The following NDC80 variants were observed in gnomAD, a reference collection of about 807,000 sequenced individuals.
NDC80 encodes the protein NDC80 kinetochore complex component.
A neutral mutation model predicts 89.3 loss-of-function variants in NDC80; 69 were observed. The observed-to-expected ratio is 0.77, with a 90% CI of 0.64 to 0.94. The LOEUF is 0.94. Ranked by LOEUF, NDC80 falls within the 40% of genes least tolerant of loss-of-function variation. The probability of loss-of-function intolerance (pLI) is 0.00; values close to 1 mark genes in which losing one functional copy is unlikely to be tolerated. For synonymous variants in NDC80, 243 were observed against 255.6 expected, an observed-to-expected ratio of 0.95 and a Z score of 0.47; for missense variants, 593 against 739.6, an observed-to-expected ratio of 0.80 and a Z score of 2.30.
chr18:2,589,483 C>T (rs16943496), intron 9 of NDC80, among the ~76,000 whole-genome samples, 173 bp downstream of exon 9: 9,593 of 152,186 alleles, frequency 0.063, 327 homozygotes, highest in African/African-American at 0.082. Context: ...ATCTGTGGAG[C>T]CTTGTTTTCC....
rs2072610651 is a variant in NDC80, at chr18:2,588,040, A to T, written c.763+117A>T. 5 of 684,672 alleles carry T rather than the reference A, an allele frequency of 7.3e-6. No homozygotes were observed. The East Asian group carries it at 1.4e-4, about 20-fold the overall frequency. 42.4% of individuals were successfully genotyped at this position (684,672 alleles called of 1,614,324 possible). A position where few individuals can be genotyped will look rare whatever the true frequency, so the allele number is the denominator to read the frequency against. The stretch of plus-strand genomic sequence containing the variant: ...AGCTACTTACTTTAAATGTATCTGG[A>T]TGCCTACTGATTTTTATCTTTGTGG... On this transcript the variant is annotated intron_variant, in intron 8 of 16. Coordinates refer to ENST00000261597, the MANE Select transcript of NDC80 (RefSeq NM_006101.3).
chr18:2,578,155 T>C lies in NDC80; in HGVS notation c.476+14T>C, dbSNP rs1567995711. 1 of 1,606,134 alleles carries C rather than the reference T, an allele frequency of 6.2e-7. No homozygotes were observed. The highest frequency in any genetic ancestry group is 1.7e-5 in the Admixed American group (1 of 58,506). On this transcript the variant is annotated intron_variant, in intron 5 of 16. Coordinates refer to ENST00000261597, the MANE Select transcript of NDC80 (RefSeq NM_006101.3). ...TAAAGACCTTGGGTATGTATATTTC[T>C]TATTAGTTTAGAGACATGACTGGCA...
At chr18:2,605,718 C>A (rs2072708070) in intron 13 of NDC80, among the ~76,000 whole-genome samples, 1 of 151,262 alleles carries the variant, frequency 6.6e-6, no homozygotes, top group Admixed American at 6.6e-5. Flanking sequence ...GTAGAATTAT[C>A]CTTTAAAAAA....
chr18:2,579,901 T>C (rs571635695), intron 6 of NDC80, among the ~76,000 whole-genome samples: 115 of 152,258 alleles, frequency 7.6e-4, no homozygotes, highest in African/African-American at 2.6e-3. Flanking sequence ...TTTTAAAATC[T>C]TTATCAATTT....
intron 6 of NDC80, among the ~76,000 whole-genome samples, chr18:2,584,778 T>A (rs1456923094): frequency 1.3e-5 from 2 of 152,188 alleles, no homozygotes; most frequent in Non-Finnish European, 1.5e-5. Flanking sequence ...TGCATTAAAA[T>A]GTGTATATTT....
intron 11 of NDC80, among the ~76,000 whole-genome samples, chr18:2,597,674 G>T (rs1172905137): frequency 6.6e-6 from 1 of 151,710 alleles, no homozygotes; most frequent in African/African-American, 2.4e-5. Flanking sequence ...AAGTTGCAGT[G>T]AGCCAAGATC....
chr18:2,600,066 C>T (rs2072676726), intron 12 of NDC80, among the ~76,000 whole-genome samples: 1 of 152,162 alleles, frequency 6.6e-6, no homozygotes, highest in Non-Finnish European at 1.5e-5. Flanking sequence ...ACTAATCTAT[C>T]TATAGATAGG....
chr18:2,616,348 G>T, intron 16 of NDC80, 89 bp from the exon 17 acceptor site: 1 of 960,416 alleles, frequency 1.0e-6, no homozygotes, highest in Non-Finnish European at 1.5e-6. Context: ...ACTTAAAAAT[G>T]TTATCCTCTT....
At chr18:2,584,112 A>G (rs1316621222) in intron 6 of NDC80, among the ~76,000 whole-genome samples, 1 of 151,654 alleles carries the variant, frequency 6.6e-6, no homozygotes, top group Non-Finnish European at 1.5e-5. Flanking sequence ...ACATGGTGAA[A>G]CCCCGTCTCT....
chr18:2,585,036 C>T lies in NDC80; in HGVS notation c.580-77C>T, dbSNP rs150600856. 99 of 1,073,378 alleles carry T rather than the reference C, an allele frequency of 9.2e-5. 2 individuals carry two copies. The African/African-American group carries it at 1.5e-3, about 16-fold the overall frequency. The allele number at this position is 1,073,378 out of a possible 1,614,324, so 66.5% of individuals were successfully genotyped here. A position where few individuals can be genotyped will look rare whatever the true frequency, so the allele number is the denominator to read the frequency against. On this transcript the variant is annotated intron_variant, in intron 6 of 16. Coordinates refer to ENST00000261597, the MANE Select transcript of NDC80 (RefSeq NM_006101.3). The stretch of plus-strand genomic sequence containing the variant: ...AATGTAAATGCTTCTAAAATTGACA[C>T]TGAAAACAGAATTTGCCAAAAAATG...
intron 10 of NDC80, chr18:2,593,603 T>G (rs2072638874): frequency 6.3e-6 from 1 of 159,386 alleles, no homozygotes; most frequent in Admixed American, 6.5e-5. Context: ...AGACAATAAC[T>G]TTTTTTGTAA....
At chr18:2,573,492 T>C (rs923462044) in intron 2 of NDC80, among the ~76,000 whole-genome samples, 1 of 152,202 alleles carries the variant, frequency 6.6e-6, no homozygotes, top group Non-Finnish European at 1.5e-5. Context: ...TAAGGTATAA[T>C]ATAGTAGCAG....
At chr18:2,576,223 C>T (rs974211283) in intron 3 of NDC80, among the ~76,000 whole-genome samples, 1 of 152,052 alleles carries the variant, frequency 6.6e-6, no homozygotes, top group South Asian at 2.1e-4. Context: ...TCAAAATTAA[C>T]CATAGTAGAA....
intron 2 of NDC80, among the ~76,000 whole-genome samples, chr18:2,574,428 C>T (rs1163773159): frequency 6.6e-6 from 1 of 152,152 alleles, no homozygotes; most frequent in Non-Finnish European, 1.5e-5. Context: ...TTACTCTGAT[C>T]TGATCACTGT....
At chr18:2,607,274 A>G (rs2072716888) in intron 14 of NDC80, among the ~76,000 whole-genome samples, 1 of 152,108 alleles carries the variant, frequency 6.6e-6, no homozygotes, top group Non-Finnish European at 1.5e-5. Flanking sequence ...ACAATGCTTG[A>G]GTTTACTCTC....
At chr18:2,580,676 C>T (rs1313102265) in intron 6 of NDC80, among the ~76,000 whole-genome samples, 1 of 148,182 alleles carries the variant, frequency 6.7e-6, no homozygotes, top group African/African-American at 2.5e-5. Context: ...CAATTTGTCT[C>T]TCCCCGGTGA....
chr18:2,614,843 T>G (rs1251080514), intron 16 of NDC80: 1 of 152,814 alleles, frequency 6.5e-6, no homozygotes, highest in Non-Finnish European at 1.5e-5. Context: ...TTGGTTAAGA[T>G]GAGGTCATGT....
chr18:2,587,362 T>C (rs1230996482), intron 7 of NDC80, among the ~76,000 whole-genome samples: 4 of 152,236 alleles, frequency 2.6e-5, no homozygotes, highest in Non-Finnish European at 5.9e-5. Context: ...AGCCTGAAGT[T>C]ACAATGTAAT....
At chr18:2,607,356 T>G (rs1163884711) in intron 14 of NDC80, among the ~76,000 whole-genome samples, 2 of 152,178 alleles carry the variant, frequency 1.3e-5, no homozygotes, top group African/African-American at 4.8e-5. Flanking sequence ...TTTGGGCTAC[T>G]TTGCCTGTGC....
Sources: allele counts gnomAD v4.1 joint callset (sites outside exome capture counted in the v4.1 genomes callset), GRCh38; gene constraint gnomAD v4.1.1; transcripts MANE v1.5; gene names NCBI Gene and HGNC (gene_info 2026-07-23, HGNC 2026-07-21).